The following PRPF6 variants were observed in gnomAD, a reference collection of about 807,000 sequenced individuals.
PRPF6 encodes the protein pre-mRNA-processing factor 6.
PRPF6 carries 42 observed loss-of-function variants against 118.3 expected under a neutral mutation model. The observed-to-expected ratio is 0.35, with a 90% CI of 0.28 to 0.46. The LOEUF (loss-of-function observed/expected upper bound fraction) is 0.46, where lower values mean the gene tolerates loss of function less well. Among genes scored for constraint, PRPF6 ranks in the 20% least tolerant of loss-of-function variants. The pLI is 1.00. For missense variants in PRPF6, 662 were observed against 1,255.7 expected (o/e 0.53, Z 7.15); for synonymous variants, 481 against 485.1 (o/e 0.99, Z 0.11).
chr20:64,028,804 G>T lies in PRPF6; in HGVS notation c.2431+235G>T, dbSNP rs950359828. Among the ~76,000 whole-genome samples, 1 of 152,158 alleles carries T rather than the reference G, an allele frequency of 6.6e-6. No individual in the cohort carries two copies. Among genetic ancestry groups the T allele is most frequent in the Non-Finnish European group, 1.5e-5 (1 of 68,034 alleles). ...TTAAGACAACTTAATGAAATTCTTG[G>T]CCTCAAAATGGGAGAATTTGATTTC... is the stretch of plus-strand genomic sequence containing the variant. On this transcript the variant is annotated intron_variant, in intron 18 of 20. Coordinates refer to ENST00000266079, the MANE Select transcript of PRPF6 (RefSeq NM_012469.4). This position sits in a 1 kb window ranked among gnomAD's most constrained non-coding sequence, Gnocchi z 6.5.
In PRPF6 at chr20:64,028,462, G is replaced by C. The variant is rs373318991; in HGVS notation, c.2340-16G>C. On this transcript the variant is annotated splice_polypyrimidine_tract_variant and intron_variant, in intron 17 of 20. Transcript: ENST00000266079. The surrounding 1 kb of genome is among the most constrained non-coding windows in gnomAD (Gnocchi z 6.5). Reference sequence around the variant, plus strand: ...TGGTAGACGGCTGTGGGACCTCCGGGGGCCTGTCTCCTCAGGTTGGAGTCC... The same window carrying C: ...TGGTAGACGGCTGTGGGACCTCCGGCGGCCTGTCTCCTCAGGTTGGAGTCC... The C allele has an allele frequency of 3.0e-5, 48 of 1,613,644 alleles. No individual in the cohort carries two copies. Among genetic ancestry groups the C allele is most frequent in the Non-Finnish European group, 4.0e-5 (47 of 1,179,936 alleles).
chr20:64,013,783 C>T (rs551171616), intron 11 of PRPF6, among the ~76,000 whole-genome samples: 1 of 152,252 alleles, frequency 6.6e-6, no homozygotes, highest in Admixed American at 6.5e-5. Flanking sequence ...ACAGAATCCA[C>T]CCATTTAAAG....
Position 64,027,973 on chromosome 20 carries a change from C to A in PRPF6, c.2339+237C>A. ...GTTTAATTTGTGTTCTGATGGAGGG[C>A]GCCTGGGAGAGGGAGGGGTTAATGA... On this transcript the variant is annotated intron_variant, in intron 17 of 20. Coordinates refer to ENST00000266079, the MANE Select transcript of PRPF6 (RefSeq NM_012469.4). This position sits in a 1 kb window ranked among gnomAD's most constrained non-coding sequence, Gnocchi z 6.5. 6.6e-6 allele frequency among the ~76,000 whole-genome samples: 1 copy of A among 151,998 alleles called. No homozygotes were observed. Among genetic ancestry groups the A allele is most frequent in the Admixed American group, 6.6e-5 (1 of 15,260 alleles).
At chr20:63,993,731 A>G (rs2059128948) in intron 4 of PRPF6, among the ~76,000 whole-genome samples, 1 of 151,426 alleles carries the variant, frequency 6.6e-6, no homozygotes, top group Admixed American at 6.6e-5. Context: ...CTCCATTTAT[A>G]CCTAAGATTT....
In PRPF6 at chr20:64,010,277, A is replaced by G. The variant is rs1328435416; in HGVS notation, c.1264A>G (p.Met422Val). Residue 422 changes from methionine (M) to valine (V), a missense_variant, in exon 10 of 21, where the codon ATG becomes GTG. By Grantham distance (21) the Met-to-Val change is conservative. Around this residue, in one of 10 missense-constraint regions of PRPF6, gnomAD observed 189 missense variants for 323.5 expected, o/e 0.58. Coordinates refer to ENST00000266079, the MANE Select transcript of PRPF6 (RefSeq NM_012469.4). ...GGAAGAACCTGAAGATGCTAGAATC[A>G]TGCTGAGCCGAGCTGTGGAGTGCTG... ...ELEEPEDARI[M>V]LSRAVECCPT... is the part of the protein sequence containing the mutation. The G allele has an allele frequency of 6.2e-7, 1 of 1,614,116 alleles. No homozygotes were observed. Among genetic ancestry groups the G allele is most frequent in the African/African-American group, 1.3e-5 (1 of 75,078 alleles).
At position 64,014,170 on chromosome 20, in the gene PRPF6, G is replaced by A. The variant is rs576589202; in HGVS notation, c.1525-2553G>A. 7.9e-5 allele frequency among the ~76,000 whole-genome samples: 12 copies of A among 151,974 alleles called. No homozygotes were observed. In the South Asian group the frequency reaches 2.5e-3, roughly 32 times the overall value. ...GTTCAGGCTGGTCTCAAACTCCTGA[G>A]CTCAGATGATCCACCTGCCTCGGCC... is the stretch of plus-strand genomic sequence containing the variant. On this transcript the variant is annotated intron_variant, in intron 11 of 20. Coordinates refer to ENST00000266079, the MANE Select transcript of PRPF6 (RefSeq NM_012469.4).
intron 1 of PRPF6, among the ~76,000 whole-genome samples, chr20:63,982,841 T>C (rs2059077423): frequency 6.6e-6 from 1 of 152,096 alleles, no homozygotes; most frequent in Non-Finnish European, 1.5e-5. Flanking sequence ...AGAGATTGCC[T>C]TGGTAACATC....
chr20:63,990,030 T>A (rs1342816986), intron 3 of PRPF6, among the ~76,000 whole-genome samples: 3 of 151,926 alleles, frequency 2.0e-5, no homozygotes, highest in African/African-American at 7.3e-5. Flanking sequence ...ATTTTTGTGT[T>A]TTTAGTAGAG....
At chr20:63,989,973 C>T (rs2059111359) in intron 3 of PRPF6, among the ~76,000 whole-genome samples, 1 of 152,168 alleles carries the variant, frequency 6.6e-6, no homozygotes, top group East Asian at 1.9e-4. Context: ...TCTGCCTCAG[C>T]CTCCCAAGTA....
chr20:64,021,776 CTG>C (rs1172891295), intron 12 of PRPF6, among the ~76,000 whole-genome samples: 2 of 142,550 alleles, frequency 1.4e-5, no homozygotes, highest in African/African-American at 5.4e-5. Context: ...GGCCACAGCC[CTG>C]TGTGTGTGCG....
chr20:63,998,022 A>ATGC (rs756920907), intron 6 of PRPF6, among the ~76,000 whole-genome samples: 1 of 152,202 alleles, frequency 6.6e-6, no homozygotes, highest in Non-Finnish European at 1.5e-5. Flanking sequence ...ATTGTGAATA[A>ATGC]TGCTGCTGTG....
chr20:63,998,848 A>C (rs2059153186), intron 6 of PRPF6, among the ~76,000 whole-genome samples, 197 bp from the exon 7 acceptor site: 1 of 152,132 alleles, frequency 6.6e-6, no homozygotes, highest in South Asian at 2.1e-4. Flanking sequence ...TCTCAAAAAA[A>C]AAAAAAAAAT....
intron 3 of PRPF6, among the ~76,000 whole-genome samples, chr20:63,988,989 A>G (rs976068879): frequency 1.3e-5 from 2 of 152,246 alleles, no homozygotes; most frequent in Admixed American, 1.3e-4. Flanking sequence ...TTGACTTCAA[A>G]TTATACTACA....
Position 63,995,069 on chromosome 20 carries a change from A to G in PRPF6, c.592A>G (p.Thr198Ala). The change falls in exon 5 of 21, where the codon ACC becomes GCC. Residue 198 changes from threonine (T) to alanine (A), a missense_variant. Transcript: ENST00000266079. ...AKHLQTGENH[T>A]SVDPRQTQFG... Reference sequence around the variant, plus strand: ...ACATTTACAGACCGGAGAGAACCATACCTCAGTGGATCCCCGACAAACTGT... The same window carrying G: ...ACATTTACAGACCGGAGAGAACCATGCCTCAGTGGATCCCCGACAAACTGT... 6.2e-7 allele frequency: 1 copy of G among 1,614,128 alleles called. No individual in the cohort carries two copies. The highest frequency in any genetic ancestry group is 8.5e-7 in the Non-Finnish European group (1 of 1,180,020).
chr20:63,985,570 G>A (rs1191233855), intron 3 of PRPF6, among the ~76,000 whole-genome samples: 1 of 152,130 alleles, frequency 6.6e-6, no homozygotes, highest in Admixed American at 6.6e-5. Context: ...GAATTTTGTG[G>A]ATTACTTTTA....
At chr20:63,991,266 CAAAATT>C (rs2059117380) in intron 3 of PRPF6, among the ~76,000 whole-genome samples, 1 of 150,376 alleles carries the variant, frequency 6.6e-6, no homozygotes, top group African/African-American at 2.4e-5. Flanking sequence ...TCTACAAAAA[CAAAATT>C]AAAATTAGCC....
intron 6 of PRPF6, among the ~76,000 whole-genome samples, chr20:63,996,230 T>C (rs2059140538): frequency 6.6e-6 from 1 of 152,092 alleles, no homozygotes; most frequent in Non-Finnish European, 1.5e-5. Context: ...TCCCAGCTAC[T>C]TGGGAGGCTA....
In PRPF6 at chr20:64,032,235, T is replaced by C. The variant is rs188121290; in HGVS notation, c.2673+191T>C. Among the ~76,000 whole-genome samples the C allele has an allele frequency of 3.3e-3, 504 of 152,278 alleles. 3 individuals carry two copies. The highest frequency in any genetic ancestry group is 0.022 in the South Asian group (107 of 4,824). ...AGGCAGTCTCTGCCTCCACATCCGT[T>C]TTCTGGTTATAGCCTCACAGCTCCA... is the stretch of plus-strand genomic sequence containing the variant. On this transcript the variant is annotated intron_variant, in intron 20 of 20. Coordinates refer to ENST00000266079, the MANE Select transcript of PRPF6 (RefSeq NM_012469.4).
chr20:63,985,348 C>CA (rs112094687), intron 3 of PRPF6, among the ~76,000 whole-genome samples: 4,389 of 135,518 alleles, frequency 0.032, 193 homozygotes, highest in African/African-American at 0.098. Context: ...GACCCTGTCT[C>CA]AAAAAAAAAA....
Sources: allele counts gnomAD v4.1 joint callset (sites outside exome capture counted in the v4.1 genomes callset), GRCh38; gene constraint gnomAD v4.1.1; regional missense constraint gnomAD v4.1.1; non-coding constraint Gnocchi (gnomAD v3.1); transcripts MANE v1.5; gene names NCBI Gene and HGNC (gene_info 2026-07-23, HGNC 2026-07-21).